The following RIC1 variants were observed in gnomAD, a reference collection of about 807,000 sequenced individuals.
The protein encoded by RIC1 is guanine nucleotide exchange factor subunit RIC1.
A neutral mutation model predicts 169.0 loss-of-function variants in RIC1; 88 were observed. That is an observed-to-expected ratio of 0.52 (90% CI 0.44 to 0.62). The LOEUF is 0.62. Among genes scored for constraint, RIC1 ranks in the 20% least tolerant of loss-of-function variants. The pLI, the probability that RIC1 is intolerant of heterozygous loss-of-function variation, is 0.00. For missense variants in RIC1, 1,877 were observed against 1,725.5 expected (o/e 1.09, Z -1.56); for synonymous variants, 790 against 601.5 (o/e 1.31, Z -4.59).
chr9:5,772,563 G>A lies in RIC1; in HGVS notation c.3617-1G>A. 3 of 1,583,200 alleles carry A rather than the reference G, an allele frequency of 1.9e-6. No individual in the cohort carries two copies. Among genetic ancestry groups the A allele is most frequent in the Non-Finnish European group, 2.6e-6 (3 of 1,168,638 alleles). Reference sequence around the variant, plus strand: ...TGTAACTTTTGGCAATTCTTCATCAGGTGATGAATGCAGTATTGGTTCAGC... The same window carrying A: ...TGTAACTTTTGGCAATTCTTCATCAAGTGATGAATGCAGTATTGGTTCAGC... On this transcript the variant is annotated splice_acceptor_variant, in intron 23 of 25. Transcript: ENST00000414202. LOFTEE classifies it high-confidence loss of function.
Position 5,680,850 on chromosome 9 carries a change from G to A in RIC1, c.253-9109G>A, listed in dbSNP as rs58150135. On this transcript the variant is annotated intron_variant, in intron 2 of 25. Coordinates refer to ENST00000414202, the MANE Select transcript of RIC1 (RefSeq NM_020829.4). ...TTTTTTTTTTTTTTTTTTTTGAGAC[G>A]GAGTCTCGCTCTGTCGCCCAGGCTG... 3.4e-3 allele frequency among the ~76,000 whole-genome samples: 307 copies of A among 90,610 alleles called. 2 individuals carry two copies. The highest frequency in any genetic ancestry group is 0.011 in the African/African-American group (282 of 25,656). The allele number at this position is 90,610 out of a possible 152,430, so 59.4% of individuals were successfully genotyped here. A position where few individuals can be genotyped will look rare whatever the true frequency, so the allele number is the denominator to read the frequency against.
chr9:5,763,100 T>G lies in RIC1; in HGVS notation c.2113-40T>G. On this transcript the variant is annotated intron_variant, in intron 18 of 25. Coordinates refer to ENST00000414202, the MANE Select transcript of RIC1 (RefSeq NM_020829.4). This position sits in a 1 kb window ranked among gnomAD's most constrained non-coding sequence, Gnocchi z 5.2. The stretch of plus-strand genomic sequence containing the variant: ...CTAGGAACTTAAGAACCTGCAGATT[T>G]AATAGGAAAACAACTTGATTCTTGT... The G allele has an allele frequency of 6.3e-7, 1 of 1,590,602 alleles. No homozygotes were observed. The highest frequency in any genetic ancestry group is 8.6e-7 in the Non-Finnish European group (1 of 1,167,500).
rs1827561745 is a variant in RIC1, at chr9:5,775,988, T to G, written c.*1742T>G. The G allele has an allele frequency of 6.6e-6, 1 of 152,142 alleles. No individual in the cohort carries two copies. The allele number at this position is 152,142 out of a possible 1,614,324, so 9.4% of individuals were successfully genotyped here. A position where few individuals can be genotyped will look rare whatever the true frequency, so the allele number is the denominator to read the frequency against. ...ACTCTCTTCTCCTATCCTAGTCCAT[T>G]AAGGAGAAGAACCAGCATTGCTTTT... On this transcript the variant is annotated 3_prime_UTR_variant, in exon 26 of 26. Transcript: ENST00000414202.
At chr9:5,699,269 G>C (rs555076729) in intron 3 of RIC1, among the ~76,000 whole-genome samples, 1 of 152,120 alleles carries the variant, frequency 6.6e-6, no homozygotes, top group Non-Finnish European at 1.5e-5. Context: ...AAAGATGTAC[G>C]CTTTGGGTGA....
At position 5,724,450 on chromosome 9, in the gene RIC1, A is replaced by C. The variant is rs199754032; in HGVS notation, c.720+3700A>C. 5.3e-5 allele frequency among the ~76,000 whole-genome samples: 8 copies of C among 152,210 alleles called. No individual in the cohort carries two copies. In the East Asian group the frequency reaches 1.5e-3, roughly 29 times the overall value. On this transcript the variant is annotated intron_variant, in intron 6 of 25. Coordinates refer to ENST00000414202, the MANE Select transcript of RIC1 (RefSeq NM_020829.4). ...GCTGAAGTTGCCTATCAGCTTAAGG[A>C]GATTTTGCGCTGAGACTATGGAGTT...
At chr9:5,683,062 C>T (rs544576396) in intron 2 of RIC1, among the ~76,000 whole-genome samples, 3 of 152,210 alleles carry the variant, frequency 2.0e-5, no homozygotes, top group East Asian at 1.9e-4. Context: ...GTTAGCCATT[C>T]GTCTAATTTT....
In RIC1 at chr9:5,763,304, G is replaced by T. The variant is rs1826461517; in HGVS notation, c.2277G>T (p.Lys759Asn). The change falls in exon 19 of 26, where the codon AAG becomes AAT. Residue 759 changes from lysine to asparagine, a missense_variant. This residue lies in a region of RIC1 where 1,104 missense variants were observed against 992.0 expected (regional missense o/e 1.11). Coordinates refer to ENST00000414202, the MANE Select transcript of RIC1 (RefSeq NM_020829.4). The surrounding 1 kb of genome is among the most constrained non-coding windows in gnomAD (Gnocchi z 5.2). Reference protein sequence around the residue: ...WLPLFPRDHRKPHSFLSQRIM... With the variant: ...WLPLFPRDHRNPHSFLSQRIM... ...CTCTCTTCCCTAGGGATCACCGCAA[G>T]CCCCATTCCTTCTTGTCCCAGCGGA... 14 of 1,614,058 alleles carry T rather than the reference G, an allele frequency of 8.7e-6. No individual in the cohort carries two copies. Among genetic ancestry groups the T allele is most frequent in the Non-Finnish European group, 1.2e-5 (14 of 1,180,030 alleles).
intron 2 of RIC1, among the ~76,000 whole-genome samples, chr9:5,676,944 T>G (rs1820486564): frequency 6.6e-6 from 1 of 152,244 alleles, no homozygotes; most frequent in Admixed American, 6.5e-5. Context: ...ACAGTTTGAC[T>G]TGTTTCCCGT....
chr9:5,677,466 T>C (rs1042202938), intron 2 of RIC1, among the ~76,000 whole-genome samples: 3 of 152,188 alleles, frequency 2.0e-5, no homozygotes, highest in African/African-American at 7.2e-5. Flanking sequence ...ACACAGCATA[T>C]CTTTTGCACC....
chr9:5,739,032 C>T lies in RIC1; in HGVS notation c.901+494C>T, dbSNP rs534369100. On this transcript the variant is annotated intron_variant, in intron 8 of 25. Transcript: ENST00000414202. ...CTGAGGTTCCCACTGTTAGATCTGACATACAGAGAAGTGCAATTATAGGGT... is the reference window on the plus strand; with the variant it reads ...CTGAGGTTCCCACTGTTAGATCTGATATACAGAGAAGTGCAATTATAGGGT... Among the ~76,000 whole-genome samples the T allele has an allele frequency of 3.3e-5, 5 of 152,254 alleles. No individual in the cohort carries two copies. The South Asian group carries it at 1.0e-3, about 32-fold the overall frequency.
At chr9:5,736,947 G>A (rs1214766628) in intron 7 of RIC1, among the ~76,000 whole-genome samples, 1 of 150,480 alleles carries the variant, frequency 6.6e-6, no homozygotes, top group Non-Finnish European at 1.5e-5. Context: ...ATGGATCAAA[G>A]CTGCTGTGAA....
intron 1 of RIC1, among the ~76,000 whole-genome samples, chr9:5,647,878 A>G (rs1219649747): frequency 7.1e-6 from 1 of 141,198 alleles, no homozygotes; most frequent in Non-Finnish European, 1.5e-5. Context: ...GCTGGTTACA[A>G]GTTGTTGTTT....
At chr9:5,681,116 G>A (rs991597216) in intron 2 of RIC1, among the ~76,000 whole-genome samples, 40 of 151,956 alleles carry the variant, frequency 2.6e-4, no homozygotes, top group African/African-American at 7.3e-4. Context: ...GTGAGCCACC[G>A]CGCCCGGCCG....
At chr9:5,731,045 T>G (rs566006837) in intron 6 of RIC1, among the ~76,000 whole-genome samples, 5 of 152,292 alleles carry the variant, frequency 3.3e-5, no homozygotes, top group African/African-American at 1.2e-4. Context: ...GGAAACCTGT[T>G]TAATATTACA....
intron 1 of RIC1, among the ~76,000 whole-genome samples, chr9:5,641,201 C>G (rs1177176386): frequency 1.3e-5 from 2 of 151,768 alleles, no homozygotes; most frequent in African/African-American, 4.8e-5. Context: ...ACGCCATTCT[C>G]CAGCCTCAGC....
chr9:5,634,205 G>A (rs568096489), intron 1 of RIC1, among the ~76,000 whole-genome samples: 1 of 152,202 alleles, frequency 6.6e-6, no homozygotes, highest in East Asian at 1.9e-4. Context: ...TGAAAGTGCA[G>A]ATATCTCTTT....
intron 11 of RIC1, 39 bp downstream of exon 11, chr9:5,746,122 G>T (rs1405395280): frequency 6.5e-7 from 1 of 1,550,196 alleles, no homozygotes; most frequent in African/African-American, 1.4e-5. Context: ...AGTGTCTTTT[G>T]TGTTAGAAGC....
rs1826692036 is a variant in RIC1 at position 5,765,783 on chromosome 9, G to C, written c.3122G>C (p.Gly1041Ala). 1.2e-6 allele frequency: 2 copies of C among 1,613,932 alleles called. No homozygotes were observed. The highest frequency in any genetic ancestry group is 1.3e-5 in the African/African-American group (1 of 74,896). The change falls in exon 21 of 26, where the codon GGT becomes GCT. Residue 1041 changes from glycine to alanine, a missense_variant. Gly to Ala is a moderately conservative substitution (Grantham distance 60). Coordinates refer to ENST00000414202, the MANE Select transcript of RIC1 (RefSeq NM_020829.4). ...SLQKTLSMPS[G>A]PSGKRWSKDS... ...CAGAAAACACTAAGTATGCCATCTG[G>C]TCCCTCTGGAAAAAGGTAAAATAAT...
chr9:5,642,886 T>C (rs1453844478), intron 1 of RIC1, among the ~76,000 whole-genome samples: 1 of 152,230 alleles, frequency 6.6e-6, no homozygotes, highest in African/African-American at 2.4e-5. Flanking sequence ...TACTACCTAT[T>C]CATTGTAACT....
Sources: allele counts gnomAD v4.1 joint callset (sites outside exome capture counted in the v4.1 genomes callset), GRCh38; gene constraint gnomAD v4.1.1; regional missense constraint gnomAD v4.1.1; non-coding constraint Gnocchi (gnomAD v3.1); transcripts MANE v1.5; gene names NCBI Gene and HGNC (gene_info 2026-07-23, HGNC 2026-07-21).